RPL39L: variants seen among roughly 807,000 people sequenced by gnomAD.
The protein encoded by RPL39L is ribosomal protein L39 like, also known as ribosomal protein eL39-like 2.
For missense variants in RPL39L, 48 were observed against 58.9 expected, an observed-to-expected ratio of 0.81 and a Z score of 0.61; for synonymous variants, 16 against 20.1, an observed-to-expected ratio of 0.80 and a Z score of 0.55.
In RPL39L at chr3:187,138,026, A is replaced by C. The variant is rs115830450; in HGVS notation, c.-93+1187T>G. Among the ~76,000 whole-genome samples, 137 of 152,280 alleles carry C rather than the reference A, an allele frequency of 9.0e-4. 1 individual carries two copies. Among genetic ancestry groups the C allele is most frequent in the African/African-American group, 3.0e-3 (125 of 41,566 alleles). On this transcript the variant is annotated intron_variant, in intron 1 of 2. Coordinates refer to ENST00000296277, the MANE Select transcript of RPL39L (RefSeq NM_052969.3). ...AGGTTCTGAAATTGAGAAGGCGTGGAGGGTGACTATTGGATTACAAAGCCT... is the reference window on the plus strand; with the variant it reads ...AGGTTCTGAAATTGAGAAGGCGTGGCGGGTGACTATTGGATTACAAAGCCT...
chr3:187,131,349 C>G (rs1037792417), intron 1 of RPL39L, among the ~76,000 whole-genome samples: 8 of 152,066 alleles, frequency 5.3e-5, no homozygotes, highest in African/African-American at 1.9e-4. Flanking sequence ...CCAGCCTGAC[C>G]AACATGGTAA....
Position 187,121,080 on chromosome 3 carries a change from G to T in RPL39L, c.*65C>A. 2.6e-6 allele frequency: 4 copies of T among 1,563,336 alleles called. No individual in the cohort carries two copies. The highest frequency in any genetic ancestry group is 3.5e-6 in the Non-Finnish European group (4 of 1,139,100). ...CAGGTAGTGGTGACATTTTCAGCTTGATATCGTAAGATGATCGTGAACTTG... is the reference window on the plus strand; with the variant it reads ...CAGGTAGTGGTGACATTTTCAGCTTTATATCGTAAGATGATCGTGAACTTG... On this transcript the variant is annotated 3_prime_UTR_variant, in exon 3 of 3. Coordinates refer to ENST00000296277, the MANE Select transcript of RPL39L (RefSeq NM_052969.3).
chr3:187,133,042 TAA>T (rs1037828161), intron 1 of RPL39L, among the ~76,000 whole-genome samples: 5 of 152,230 alleles, frequency 3.3e-5, no homozygotes, highest in African/African-American at 1.2e-4. Flanking sequence ...TGGACCAGCA[TAA>T]GAGTATAAAA....
chr3:187,128,191 T>C, intron 1 of RPL39L, 129 bp from the exon 2 acceptor site: 1 of 152,260 alleles, frequency 6.6e-6, no homozygotes, highest in East Asian at 1.9e-4. Flanking sequence ...AGAGAAAATA[T>C]GGGAAGTCTT....
intron 2 of RPL39L, among the ~76,000 whole-genome samples, chr3:187,126,112 A>G (rs933224969): frequency 2.0e-5 from 3 of 152,068 alleles, no homozygotes; most frequent in African/African-American, 4.8e-5. Context: ...TTAAACTTGT[A>G]GACTAAAAAT....
intron 1 of RPL39L, among the ~76,000 whole-genome samples, chr3:187,128,574 A>T (rs1720436806): frequency 6.6e-6 from 1 of 152,116 alleles, no homozygotes; most frequent in Non-Finnish European, 1.5e-5. Context: ...GAGTAGCATG[A>T]TCCTAGTTCA....
intron 2 of RPL39L, among the ~76,000 whole-genome samples, chr3:187,121,824 T>C (rs116085355): frequency 0.011 from 1,720 of 152,334 alleles, 33 homozygotes; most frequent in African/African-American, 0.039. Context: ...TTTCTATAAA[T>C]TGAGATATTG....
chr3:187,129,657 G>A (rs956982945), intron 1 of RPL39L, among the ~76,000 whole-genome samples: 3 of 152,134 alleles, frequency 2.0e-5, no homozygotes, highest in Admixed American at 6.5e-5. Flanking sequence ...CTACAGTAAA[G>A]CACAAAATAT....
chr3:187,138,089 G>A (rs950564783), intron 1 of RPL39L, among the ~76,000 whole-genome samples: 3 of 152,148 alleles, frequency 2.0e-5, no homozygotes, highest in African/African-American at 7.2e-5. Flanking sequence ...AGAAGCATCC[G>A]TCCTGTCTCT....
intron 1 of RPL39L, among the ~76,000 whole-genome samples, chr3:187,133,195 G>A (rs1240453424): frequency 1.3e-5 from 2 of 152,044 alleles, no homozygotes; most frequent in Non-Finnish European, 2.9e-5. Flanking sequence ...GATCTATTAG[G>A]GGAAGATATG....
chr3:187,126,225 C>T (rs898863829), intron 2 of RPL39L, among the ~76,000 whole-genome samples: 5 of 151,370 alleles, frequency 3.3e-5, no homozygotes, highest in South Asian at 2.1e-4. Flanking sequence ...GCAATGGCGC[C>T]ATCTCAGCTC....
chr3:187,138,245 G>C (rs1457758889), intron 1 of RPL39L, among the ~76,000 whole-genome samples: 1 of 152,262 alleles, frequency 6.6e-6, no homozygotes, highest in South Asian at 2.1e-4. Context: ...GCGGGGAGGG[G>C]AGGCGGGTGC....
rs75231359 is a variant in RPL39L, at chr3:187,128,734, T to C, written c.-92-672A>G. Among the ~76,000 whole-genome samples the C allele has an allele frequency of 5.8e-3, 876 of 152,300 alleles. 16 individuals carry two copies. The highest frequency in any genetic ancestry group is 0.052 in the East Asian group (271 of 5,178). On this transcript the variant is annotated intron_variant, in intron 1 of 2. Coordinates refer to ENST00000296277, the MANE Select transcript of RPL39L (RefSeq NM_052969.3). ...CTAGGCAGTAGCTGTCTATGCCTTG[T>C]GATGTACCAGACAGGTATCTGAACA...
intron 1 of RPL39L, among the ~76,000 whole-genome samples, chr3:187,132,275 A>G (rs1451143438): frequency 6.6e-6 from 1 of 152,268 alleles, no homozygotes; most frequent in African/African-American, 2.4e-5. Flanking sequence ...TAATGTTCAA[A>G]GATTACTGCT....
At chr3:187,131,143 TTA>T (rs1018309390) in intron 1 of RPL39L, among the ~76,000 whole-genome samples, 2 of 152,220 alleles carry the variant, frequency 1.3e-5, no homozygotes, top group Admixed American at 1.3e-4. Context: ...TTGAAATATT[TTA>T]TCTCTTCTGT....
chr3:187,121,075 A>C lies in RPL39L; in HGVS notation c.*70T>G, dbSNP rs1720299024. ...CTGTCCAGGTAGTGGTGACATTTTCAGCTTGATATCGTAAGATGATCGTGA... is the reference window on the plus strand; with the variant it reads ...CTGTCCAGGTAGTGGTGACATTTTCCGCTTGATATCGTAAGATGATCGTGA... On this transcript the variant is annotated 3_prime_UTR_variant, in exon 3 of 3. Transcript: ENST00000296277. 1 of 1,554,716 alleles carries C rather than the reference A, an allele frequency of 6.4e-7. No individual in the cohort carries two copies. Among genetic ancestry groups the C allele is most frequent in the South Asian group, 1.1e-5 (1 of 87,980 alleles).
intron 2 of RPL39L, among the ~76,000 whole-genome samples, chr3:187,124,653 CT>C (rs1290988070): frequency 2.6e-5 from 4 of 152,268 alleles, no homozygotes; most frequent in South Asian, 2.1e-4. Flanking sequence ...TCTTTAACAT[CT>C]ATGCTGAATA....
intron 2 of RPL39L, among the ~76,000 whole-genome samples, chr3:187,124,359 T>A (rs1156654663): frequency 1.3e-5 from 2 of 152,192 alleles, no homozygotes; most frequent in African/African-American, 4.8e-5. Flanking sequence ...GGATAGCCTA[T>A]GCAAAGGCGA....
At chr3:187,135,825 T>C (rs966852572) in intron 1 of RPL39L, among the ~76,000 whole-genome samples, 9 of 152,252 alleles carry the variant, frequency 5.9e-5, no homozygotes, top group Admixed American at 3.3e-4. Context: ...GGTACAAGCA[T>C]GGCACCAGCA....
Sources: gnomAD v4.1 joint callset for allele counts (sites outside exome capture counted in the v4.1 genomes callset) on GRCh38, gnomAD v4.1.1 for gene constraint, MANE v1.5 for transcripts, NCBI Gene and HGNC (gene_info 2026-07-23, HGNC 2026-07-21) for gene names.